SH3RF3: variants seen among roughly 807,000 people sequenced by gnomAD.
SH3RF3 encodes the protein E3 ubiquitin-protein ligase SH3RF3.
A neutral mutation model predicts 66.3 loss-of-function variants in SH3RF3; 29 were observed. The observed-to-expected ratio is 0.44, with a 90% CI of 0.33 to 0.60. SH3RF3 has a LOEUF of 0.60. SH3RF3 is among the 20% of genes least tolerant of loss of function. The probability of loss-of-function intolerance (pLI) is 0.04; values close to 1 mark genes in which losing one functional copy is unlikely to be tolerated. For missense variants in SH3RF3, 1,194 were observed against 1,190.9 expected (o/e 1.00, Z -0.04); for synonymous variants, 583 against 532.0 (o/e 1.10, Z -1.32).
chr2:109,392,680 G>A (rs1559058321), intron 3 of SH3RF3, among the ~76,000 whole-genome samples: 3 of 152,108 alleles, frequency 2.0e-5, no homozygotes, highest in Admixed American at 6.5e-5. Context: ...CACCACGCCC[G>A]GCTAATTTTT....
At chr2:109,389,911 A>G (rs1675936627) in intron 3 of SH3RF3, among the ~76,000 whole-genome samples, 1 of 152,122 alleles carries the variant, frequency 6.6e-6, no homozygotes, top group South Asian at 2.1e-4. Flanking sequence ...TGGAGCGGCC[A>G]TCTGCCTTCT....
intron 1 of SH3RF3, among the ~76,000 whole-genome samples, chr2:109,195,544 T>A (rs1678476032): frequency 6.6e-6 from 1 of 152,242 alleles, no homozygotes; most frequent in Non-Finnish European, 1.5e-5. Context: ...TAATTAAGTT[T>A]CCCATTTGCA....
At chr2:109,318,100 C>CAA (rs3054730) in intron 1 of SH3RF3, among the ~76,000 whole-genome samples, 2,560 of 134,568 alleles carry the variant, frequency 0.019, 98 homozygotes, top group African/African-American at 0.063. Flanking sequence ...TTTCAGTACG[C>CAA]AAAAAAAAAA....
At chr2:109,417,917 G>C (rs1676768117) in intron 4 of SH3RF3, among the ~76,000 whole-genome samples, 1 of 152,180 alleles carries the variant, frequency 6.6e-6, no homozygotes. Context: ...AGAAAGCTAA[G>C]CTTCTTGCTC....
At chr2:109,133,249 C>A (rs188548198) in intron 1 of SH3RF3, among the ~76,000 whole-genome samples, 1 of 152,162 alleles carries the variant, frequency 6.6e-6, no homozygotes, top group Non-Finnish European at 1.5e-5. Flanking sequence ...ATATAAAAGT[C>A]GGCATTACAG....
intron 1 of SH3RF3, among the ~76,000 whole-genome samples, chr2:109,308,256 T>G (rs1681647541): frequency 7.8e-6 from 1 of 128,002 alleles, no homozygotes. Context: ...GTTTGCCCAC[T>G]TTTTGATGGG....
intron 1 of SH3RF3, among the ~76,000 whole-genome samples, chr2:109,233,954 T>C (rs184519513): frequency 2.6e-5 from 4 of 152,348 alleles, no homozygotes; most frequent in Non-Finnish European, 5.9e-5. Flanking sequence ...CATTTAACAC[T>C]GAAGGATATT....
chr2:109,376,584 C>G (rs138788623), intron 3 of SH3RF3, among the ~76,000 whole-genome samples: 2 of 152,350 alleles, frequency 1.3e-5, no homozygotes, highest in East Asian at 3.9e-4. Context: ...CAAGCTCTGC[C>G]TCCACATTGA....
intron 1 of SH3RF3, among the ~76,000 whole-genome samples, chr2:109,227,438 A>G (rs991775700): frequency 2.6e-5 from 4 of 152,204 alleles, no homozygotes; most frequent in African/African-American, 9.6e-5. Flanking sequence ...CTCACAGTCA[A>G]GTAAAAACCA....
chr2:109,405,006 ACC>A (rs954622833), intron 4 of SH3RF3, among the ~76,000 whole-genome samples: 1 of 136,424 alleles, frequency 7.3e-6, no homozygotes, highest in South Asian at 2.7e-4. Context: ...CTACACAAAT[ACC>A]CCCCACCTTC....
In SH3RF3 at chr2:109,173,139, AT is replaced by A. The variant is rs1677827239; in HGVS notation, c.573+43029del. Among the ~76,000 whole-genome samples, 3 of 152,244 alleles carry A rather than the reference AT, an allele frequency of 2.0e-5. No homozygotes were observed. In the South Asian group the frequency reaches 6.2e-4, roughly 31 times the overall value. The stretch of plus-strand genomic sequence containing the variant: ...TCTTTTTTTAACTCAAATTTTAAAA[AT>A]TTGTAACTTCTAGGGCTTTGGAATC... On this transcript the variant is annotated intron_variant, in intron 1 of 9. Coordinates refer to ENST00000309415, the MANE Select transcript of SH3RF3 (RefSeq NM_001099289.3).
intron 1 of SH3RF3, among the ~76,000 whole-genome samples, chr2:109,249,274 A>G (rs1171952477): frequency 6.6e-6 from 1 of 152,146 alleles, no homozygotes; most frequent in African/African-American, 2.4e-5. Context: ...TATTTGGTAA[A>G]AGAAGAGGGC....
chr2:109,237,171 A>AT (rs1345213984), intron 1 of SH3RF3, among the ~76,000 whole-genome samples: 1 of 152,260 alleles, frequency 6.6e-6, no homozygotes, highest in Non-Finnish European at 1.5e-5. Flanking sequence ...TATTTGTAAT[A>AT]TATGAACACT....
intron 1 of SH3RF3, among the ~76,000 whole-genome samples, chr2:109,156,473 T>G (rs1677347657): frequency 1.3e-5 from 2 of 151,972 alleles, no homozygotes; most frequent in African/African-American, 4.8e-5. Flanking sequence ...GAGATGAAGT[T>G]TTGCTCTTGT....
At chr2:109,351,351 C>G (rs1682833377) in intron 2 of SH3RF3, among the ~76,000 whole-genome samples, 1 of 152,202 alleles carries the variant, frequency 6.6e-6, no homozygotes, top group Admixed American at 6.5e-5. Flanking sequence ...TTCCCAGTCT[C>G]AGGATGCCAG....
At chr2:109,327,404 T>A (rs771200457) in intron 1 of SH3RF3, among the ~76,000 whole-genome samples, 4 of 152,220 alleles carry the variant, frequency 2.6e-5, no homozygotes, top group Non-Finnish European at 4.4e-5. Flanking sequence ...AAACTATTCT[T>A]TTGTAATTAC....
chr2:109,477,298 C>T (rs1678707637), intron 8 of SH3RF3, among the ~76,000 whole-genome samples: 1 of 152,336 alleles, frequency 6.6e-6, no homozygotes. Context: ...CAGGCACAGC[C>T]TTCACGCCCA....
chr2:109,283,790 G>C (rs1680951751), intron 1 of SH3RF3, among the ~76,000 whole-genome samples: 1 of 152,182 alleles, frequency 6.6e-6, no homozygotes, highest in South Asian at 2.1e-4. Flanking sequence ...TCTCTGCCTG[G>C]CTCCTTGTGT....
intron 1 of SH3RF3, among the ~76,000 whole-genome samples, chr2:109,220,287 A>C (rs1679200432): frequency 6.6e-6 from 1 of 152,232 alleles, no homozygotes; most frequent in African/African-American, 2.4e-5. Flanking sequence ...AAATGGGTTA[A>C]AGATCTCAAC....
Sources: gnomAD v4.1 joint callset for allele counts (sites outside exome capture counted in the v4.1 genomes callset) on GRCh38, gnomAD v4.1.1 for gene constraint, MANE v1.5 for transcripts, NCBI Gene and HGNC (gene_info 2026-07-23, HGNC 2026-07-21) for gene names.